MAGI1: variants seen among roughly 807,000 people sequenced by gnomAD.
The protein encoded by MAGI1 is membrane associated guanylate kinase, WW and PDZ domain containing 1.
MAGI1 carries 58 observed loss-of-function variants against 139.9 expected under a neutral mutation model. The ratio of observed to expected loss-of-function variants is 0.41; its 90% CI spans 0.34 to 0.52. The LOEUF is 0.52. MAGI1 is among the 20% of genes least tolerant of loss of function. The pLI is 0.12. For synonymous variants in MAGI1, 812 were observed against 737.9 expected, an observed-to-expected ratio of 1.10 and a Z score of -1.63; for missense variants, 1,874 against 1,901.6, an observed-to-expected ratio of 0.99 and a Z score of 0.27.
intron 1 of MAGI1, among the ~76,000 whole-genome samples, chr3:65,680,343 G>A (rs1279815953): frequency 1.3e-5 from 2 of 152,168 alleles, no homozygotes; most frequent in African/African-American, 4.8e-5. Context: ...AATATGATAA[G>A]ACTATGGTGA....
chr3:65,371,630 T>C (rs773149610), intron 18 of MAGI1, among the ~76,000 whole-genome samples: 2 of 152,226 alleles, frequency 1.3e-5, no homozygotes, highest in African/African-American at 4.8e-5. Flanking sequence ...TGCTGTTTGA[T>C]AGCATTTTAC....
At chr3:65,557,801 A>T (rs2080157236) in intron 2 of MAGI1, among the ~76,000 whole-genome samples, 1 of 152,178 alleles carries the variant, frequency 6.6e-6, no homozygotes, top group Admixed American at 6.5e-5. Flanking sequence ...ATACAACTGG[A>T]AGACTTCCCT....
At chr3:65,683,965 TA>T (rs1203230386) in intron 1 of MAGI1, among the ~76,000 whole-genome samples, 25 of 141,282 alleles carry the variant, frequency 1.8e-4, no homozygotes, top group African/African-American at 4.7e-4. Context: ...AGGAGTTTGA[TA>T]CCAGCCTGGG....
intron 1 of MAGI1, among the ~76,000 whole-genome samples, chr3:65,698,544 C>G (rs1043859427): frequency 6.6e-6 from 1 of 151,934 alleles, no homozygotes; most frequent in Non-Finnish European, 1.5e-5. Context: ...ATCAATGGAA[C>G]AGAACAGAGC....
chr3:65,498,394 A>G (rs1387659897), intron 2 of MAGI1, among the ~76,000 whole-genome samples: 2 of 152,144 alleles, frequency 1.3e-5, no homozygotes, highest in Admixed American at 6.5e-5. Flanking sequence ...TGCAGTTATT[A>G]GCTTTAAGCT....
intron 15 of MAGI1, 61 bp downstream of exon 15, chr3:65,383,471 G>A (rs540420915): frequency 1.7e-5 from 22 of 1,257,388 alleles, no homozygotes; most frequent in African/African-American, 5.9e-5. Flanking sequence ...TGTCACTGTC[G>A]CCAATTTGCT....
Position 65,953,293 on chromosome 3 carries a change from C to T in MAGI1, c.313+84703G>A, listed in dbSNP as rs375672942. 2.9e-4 allele frequency among the ~76,000 whole-genome samples: 44 copies of T among 152,260 alleles called. No homozygotes were observed. The East Asian group carries it at 3.1e-3, about 11-fold the overall frequency. On this transcript the variant is annotated intron_variant, in intron 1 of 22. Transcript: ENST00000402939. ...GCCTATTCACAGGCAGATTTCCAGA[C>T]GAAACCAAAGGCCTTCATGAGGAAA...
At chr3:65,508,030 T>C (rs771444915) in intron 2 of MAGI1, among the ~76,000 whole-genome samples, 1 of 152,218 alleles carries the variant, frequency 6.6e-6, no homozygotes, top group Non-Finnish European at 1.5e-5. Context: ...TTACCCACAC[T>C]GACTTTAAAA....
At chr3:65,803,138 A>T (rs1441402258) in intron 1 of MAGI1, among the ~76,000 whole-genome samples, 2 of 149,436 alleles carry the variant, frequency 1.3e-5, no homozygotes, top group African/African-American at 5.1e-5. Flanking sequence ...ATAAGATAAC[A>T]GCTAAATGAG....
intron 2 of MAGI1, among the ~76,000 whole-genome samples, chr3:65,596,597 A>C (rs2082210587): frequency 6.6e-6 from 1 of 152,208 alleles, no homozygotes; most frequent in African/African-American, 2.4e-5. Context: ...GTGTGAGACA[A>C]AGTCTATATA....
chr3:65,495,800 G>A (rs1249450800), intron 2 of MAGI1, among the ~76,000 whole-genome samples: 1 of 152,086 alleles, frequency 6.6e-6, no homozygotes, highest in African/African-American at 2.4e-5. Flanking sequence ...TAGAAAAGGT[G>A]ATGGGGAATG....
At chr3:65,964,070 C>T (rs1359567757) in intron 1 of MAGI1, among the ~76,000 whole-genome samples, 1 of 152,176 alleles carries the variant, frequency 6.6e-6, no homozygotes, top group Admixed American at 6.5e-5. Flanking sequence ...CATCACATTT[C>T]TGCAAGGAAG....
chr3:65,366,547 T>C (rs1055752687), intron 18 of MAGI1, among the ~76,000 whole-genome samples: 2 of 152,214 alleles, frequency 1.3e-5, no homozygotes, highest in African/African-American at 2.4e-5. Context: ...GGAGACAGTT[T>C]AGCACAATGG....
chr3:66,006,190 A>C (rs2067003700), intron 1 of MAGI1, among the ~76,000 whole-genome samples: 1 of 152,230 alleles, frequency 6.6e-6, no homozygotes, highest in South Asian at 2.1e-4. Context: ...TCCACCAGAC[A>C]GGAACCAGCA....
chr3:65,359,580 A>G (rs764510657), intron 22 of MAGI1: 275 of 999,880 alleles, frequency 2.8e-4, no homozygotes, highest in Middle Eastern at 1.5e-3. Context: ...AAATAGCCTC[A>G]CAGAGAAGCA....
At chr3:65,930,315 C>CA (rs58258730) in intron 1 of MAGI1, among the ~76,000 whole-genome samples, 1,009 of 87,540 alleles carry the variant, frequency 0.012, 27 homozygotes, top group Middle Eastern at 0.015. Flanking sequence ...GACTCCGTCT[C>CA]AAAAAAAAAA....
chr3:65,493,457 C>A (rs1287062998), intron 3 of MAGI1, 55 bp downstream of exon 3: 1 of 1,609,430 alleles, frequency 6.2e-7, no homozygotes, highest in Non-Finnish European at 8.5e-7. Flanking sequence ...ATGGCTCTGG[C>A]TCCTCTCAAG....
At chr3:65,897,950 A>G (rs1208739531) in intron 1 of MAGI1, among the ~76,000 whole-genome samples, 1 of 152,194 alleles carries the variant, frequency 6.6e-6, no homozygotes, top group African/African-American at 2.4e-5. Flanking sequence ...ATTCTACCAC[A>G]GGGATCACTT....
At chr3:65,905,679 T>C (rs529754338) in intron 1 of MAGI1, among the ~76,000 whole-genome samples, 4 of 152,210 alleles carry the variant, frequency 2.6e-5, no homozygotes, top group Admixed American at 2.6e-4. Context: ...ATTTATACCA[T>C]TGTGCACAGG....
Sources: gnomAD v4.1 joint callset for allele counts (sites outside exome capture counted in the v4.1 genomes callset) on GRCh38, gnomAD v4.1.1 for gene constraint, MANE v1.5 for transcripts, NCBI Gene and HGNC (gene_info 2026-07-23, HGNC 2026-07-21) for gene names.